MKS1: variants seen among roughly 807,000 people sequenced by gnomAD.
MKS1 encodes tectonic-like complex member MKS1.
In MKS1, 70 loss-of-function variants were observed where a neutral mutation model predicts 83.7. The observed-to-expected ratio is 0.84, with a 90% CI of 0.69 to 1.02. The LOEUF (loss-of-function observed/expected upper bound fraction) is 1.02, where lower values mean the gene tolerates loss of function less well. Ranked by LOEUF, MKS1 falls within the 50% of genes least tolerant of loss-of-function variation. The pLI, the probability that MKS1 is intolerant of heterozygous loss-of-function variation, is 0.00. For missense variants in MKS1, 681 were observed against 726.9 expected, an observed-to-expected ratio of 0.94 and a Z score of 0.73; for synonymous variants, 251 against 273.4, an observed-to-expected ratio of 0.92 and a Z score of 0.81.
intron 15 of MKS1, 50 bp from the exon 16 acceptor site, chr17:58,206,597 C>G (rs778481228): frequency 6.5e-7 from 1 of 1,540,046 alleles, no homozygotes; most frequent in Non-Finnish European, 8.9e-7. Flanking sequence ...CTCTAGACAC[C>G]CCCGCACCAT....
chr17:58,211,779 T>G (rs913857006), intron 9 of MKS1, among the ~76,000 whole-genome samples: 15 of 148,936 alleles, frequency 1.0e-4, no homozygotes, highest in Non-Finnish European at 1.5e-4. Flanking sequence ...TTGCCCAGGC[T>G]GCTCTCAAAC....
At position 58,205,603 on chromosome 17, in the gene MKS1, G is replaced by A; in HGVS notation, c.*476C>T. ...CAACCTCAGCAAGCCCCAAGCAGTAGAATGAGGCTTCCCTGGAAAGAGGCT... is the reference window on the plus strand; with the variant it reads ...CAACCTCAGCAAGCCCCAAGCAGTAAAATGAGGCTTCCCTGGAAAGAGGCT... On this transcript the variant is annotated 3_prime_UTR_variant, in exon 18 of 18. Transcript: ENST00000393119. The A allele has an allele frequency of 7.7e-7, 1 of 1,306,114 alleles. No homozygotes were observed. The highest frequency in any genetic ancestry group is 1.0e-6 in the Non-Finnish European group (1 of 990,306). 80.9% of individuals were successfully genotyped at this position (1,306,114 alleles called of 1,614,324 possible).
At chr17:58,219,065 GT>G (rs1376182385) in intron 1 of MKS1, 85 bp downstream of exon 1, 1 of 1,511,480 alleles carries the variant, frequency 6.6e-7, no homozygotes, top group African/African-American at 1.4e-5. Flanking sequence ...TAAGCAGAAA[GT>G]GGGGACCTCA....
chr17:58,214,439 C>T (rs760968174), intron 5 of MKS1, 52 bp from the exon 6 acceptor site: 2 of 1,611,720 alleles, frequency 1.2e-6, no homozygotes, highest in Non-Finnish European at 1.7e-6. Context: ...AATGGAGCAC[C>T]CCAGTGGAGA....
At chr17:58,216,053 A>C (rs571999248) in intron 4 of MKS1, 35 bp downstream of exon 4, 2 of 1,612,318 alleles carry the variant, frequency 1.2e-6, no homozygotes, top group African/African-American at 2.7e-5. Context: ...GAGGAAGCAA[A>C]GATGGAAGCT....
intron 12 of MKS1, 155 bp downstream of exon 12, chr17:58,208,358 A>C: frequency 1.0e-6 from 1 of 987,172 alleles, no homozygotes. Context: ...GACAGACAGG[A>C]TCTCCGGACC....
At chr17:58,216,377 T>G in intron 3 of MKS1, 134 bp from the exon 4 acceptor site, 1 of 1,036,572 alleles carries the variant, frequency 9.6e-7, no homozygotes, top group South Asian at 1.4e-5. Flanking sequence ...AACACTAAAC[T>G]AATGAATGGC....
At position 58,210,690 on chromosome 17, in the gene MKS1, G is replaced by T; in HGVS notation, c.993C>A (p.Tyr331Ter). 6.2e-7 allele frequency: 1 copy of T among 1,614,138 alleles called. No homozygotes were observed. Among genetic ancestry groups the T allele is most frequent in the Non-Finnish European group, 8.5e-7 (1 of 1,179,978 alleles). Residue 331 changes from tyrosine (Y) to a stop codon, truncating the protein, a stop_gained, in exon 11 of 18, where the codon TAC becomes TAA. Transcript: ENST00000393119. LOFTEE classifies it high-confidence loss of function. ...SAQGYEYDNLYVHFFVELPTA... is the reference protein window; with the variant it reads ...SAQGYEYDNL ...TTGGCAATTCTACAAAGAAGTGGACGTAGAGATTGTCATACTCATAGCCTT... is the reference window on the plus strand; with the variant it reads ...TTGGCAATTCTACAAAGAAGTGGACTTAGAGATTGTCATACTCATAGCCTT...
intron 8 of MKS1, 105 bp downstream of exon 8, chr17:58,212,877 G>A: frequency 8.9e-7 from 1 of 1,125,862 alleles, no homozygotes; most frequent in African/African-American, 1.5e-5. Context: ...GGGCCATGAA[G>A]GGCAAGGCTT....
Position 58,207,197 on chromosome 17 carries a change from G to A in MKS1, c.1295C>T (p.Ser432Phe), listed in dbSNP as rs774384333. The change falls in exon 15 of 18, where the codon TCC becomes TTC. Residue 432 changes from serine (S) to phenylalanine (F), a missense_variant. Ser to Phe is a radical substitution (Grantham distance 155). This residue lies in a region of MKS1 where 310 missense variants were observed against 321.7 expected (regional missense o/e 0.96). Transcript: ENST00000393119. Reference sequence around the variant, plus strand: ...GCCAAGCTCCACAGGTCTCCACGTGGAGACTGTCAGGGTGTGTGAGCCTGC... The same window carrying A: ...GCCAAGCTCCACAGGTCTCCACGTGAAGACTGTCAGGGTGTGTGAGCCTGC... ...ATPGSHTLTV[S>F]TWRPVELGTV... is the part of the protein sequence containing the mutation. The A allele has an allele frequency of 1.2e-6, 2 of 1,614,174 alleles. No individual in the cohort carries two copies. Among genetic ancestry groups the A allele is most frequent in the East Asian group, 2.2e-5 (1 of 44,878 alleles).
intron 11 of MKS1, 42 bp from the exon 12 acceptor site, chr17:58,208,625 A>G (rs1189093890): frequency 1.3e-6 from 2 of 1,556,928 alleles, no homozygotes; most frequent in Admixed American, 3.3e-5. Flanking sequence ...GCCTGGGAGG[A>G]AAGCAAGTCA....
rs1350256761 is a variant in MKS1, at chr17:58,212,986, T to C, written c.854A>G (p.Lys285Arg). ...TTGGAATGAACTTGCGCTTACATCC[T>C]TGAACACTCGCCGTTCCCGCTCCTC... is the stretch of plus-strand genomic sequence containing the variant. The part of the protein sequence containing the change: ...EEEERERRVF[K>R]DLYGRHKEYL... Residue 285 changes from lysine (K) to arginine (R), a missense_variant, in exon 8 of 18, where the codon AAG (lysine) becomes AGG (arginine). Coordinates refer to ENST00000393119, the MANE Select transcript of MKS1 (RefSeq NM_017777.4). 2.5e-6 allele frequency: 4 copies of C among 1,614,074 alleles called. No individual in the cohort carries two copies. The Admixed American group carries it at 6.7e-5, about 27-fold the overall frequency.
rs911572750 is a variant in MKS1, at chr17:58,205,739, C to T, written c.*340G>A. On this transcript the variant is annotated 3_prime_UTR_variant, in exon 18 of 18. Transcript: ENST00000393119. ...TAAAGGGTGGAGAACAGCAGATCCC[C>T]TGCTACTGTGAGACAAGCCAGAAAA... The T allele has an allele frequency of 5.1e-6, 7 of 1,371,272 alleles. No individual in the cohort carries two copies. In the Admixed American group the frequency reaches 6.6e-5, roughly 13 times the overall value. The allele number at this position is 1,371,272 out of a possible 1,614,324, so 84.9% of individuals were successfully genotyped here. A position where few individuals can be genotyped will look rare whatever the true frequency, so the allele number is the denominator to read the frequency against.
At position 58,207,858 on chromosome 17, in the gene MKS1, C is replaced by A. The variant is rs372134300; in HGVS notation, c.1273+36G>T. On this transcript the variant is annotated intron_variant, in intron 14 of 17. Coordinates refer to ENST00000393119, the MANE Select transcript of MKS1 (RefSeq NM_017777.4). Reference sequence around the variant, plus strand: ...TTAGTCTTGTTCTTAGGGCCTAGGGCATGTGGGCCACAGAAGGGCAGAGAC... The same window carrying A: ...TTAGTCTTGTTCTTAGGGCCTAGGGAATGTGGGCCACAGAAGGGCAGAGAC... 4 of 1,549,592 alleles carry A rather than the reference C, an allele frequency of 2.6e-6. No individual in the cohort carries two copies. The Admixed American group carries it at 6.7e-5, about 26-fold the overall frequency.
At chr17:58,211,715 A>C (rs933741465) in intron 9 of MKS1, among the ~76,000 whole-genome samples, 3 of 145,656 alleles carry the variant, frequency 2.1e-5, no homozygotes, top group Admixed American at 7.2e-5. Flanking sequence ...GGTATGTATC[A>C]CCATGCCTTG....
intron 15 of MKS1, chr17:58,206,783 C>G: frequency 1.6e-6 from 1 of 639,510 alleles, no homozygotes; most frequent in Non-Finnish European, 2.7e-6. Context: ...TATATGCTTA[C>G]TGTGAATCCT....
In MKS1 at chr17:58,206,539, G is replaced by T; in HGVS notation, c.1416C>A (p.Arg472=). 6.2e-7 allele frequency: 1 copy of T among 1,612,826 alleles called. No homozygotes were observed. The change falls in exon 16 of 18, where the codon CGC becomes CGA. Residue 472 remains arginine (R), a synonymous_variant. Transcript: ENST00000393119. The part of the protein sequence containing the change: ...VRIPGSFKGE[R]LSRFGLRTET... ...CTGTGCGGAGTCCAAAGCGGCTCAG[G>T]CGTTCCCCCTGTGGCATGCCATTGG...
In MKS1 at chr17:58,206,292, T is replaced by C; in HGVS notation, c.1579A>G (p.Asn527Asp). 1 of 1,614,108 alleles carries C rather than the reference T, an allele frequency of 6.2e-7. No homozygotes were observed. The highest frequency in any genetic ancestry group is 8.5e-7 in the Non-Finnish European group (1 of 1,180,008). The change falls in exon 17 of 18, where the codon AAT (asparagine) becomes GAT (aspartate). Residue 527 changes from asparagine to aspartate, a missense_variant. This residue lies in a region of MKS1 where 310 missense variants were observed against 321.7 expected (regional missense o/e 0.96). Coordinates refer to ENST00000393119, the MANE Select transcript of MKS1 (RefSeq NM_017777.4). Reference protein sequence around the residue: ...EGFSQQSSIHNVLEAFRRARR... With the variant: ...EGFSQQSSIHDVLEAFRRARR... The stretch of plus-strand genomic sequence containing the variant: ...GGGGGAGGGGACATACCTAGCACAT[T>C]GTGAATGGAACTCTGCTGGCTGAAC...
At chr17:58,207,433 T>C in intron 14 of MKS1, 2 of 637,046 alleles carry the variant, frequency 3.1e-6, no homozygotes, top group Non-Finnish European at 2.7e-6. Flanking sequence ...ATTACCTGCA[T>C]ACCCAGGACA....
Sources: gnomAD v4.1 joint callset for allele counts (sites outside exome capture counted in the v4.1 genomes callset) on GRCh38, gnomAD v4.1.1 for gene constraint, gnomAD v4.1.1 regional missense constraint, MANE v1.5 for transcripts, NCBI Gene and HGNC (gene_info 2026-07-23, HGNC 2026-07-21) for gene names.